The following ESR1 variants were observed in gnomAD, a reference collection of about 807,000 sequenced individuals.
The protein encoded by ESR1 is estrogen receptor.
Under a neutral mutation model 52.7 loss-of-function variants are expected in ESR1, and 12 were observed. The observed-to-expected ratio is 0.23, with a 90% CI of 0.15 to 0.37. ESR1 has a LOEUF of 0.37. ESR1 is among the 10% of genes least tolerant of loss of function. The pLI, the probability that ESR1 is intolerant of heterozygous loss-of-function variation, is 1.00. For synonymous variants in ESR1, 305 were observed against 316.8 expected (o/e 0.96, Z 0.39); for missense variants, 584 against 779.7 (o/e 0.75, Z 2.99).
intron 4 of ESR1, among the ~76,000 whole-genome samples, chr6:151,978,545 A>G (rs1332851922): frequency 1.3e-5 from 2 of 152,170 alleles, no homozygotes; most frequent in Non-Finnish European, 2.9e-5. Context: ...AAAAGTAAAA[A>G]GAATTTCACA....
intron 3 of ESR1, among the ~76,000 whole-genome samples, chr6:151,925,124 T>TTTTTTGTTTGTTTGTTTG (rs2032462796): frequency 6.6e-6 from 1 of 150,586 alleles, no homozygotes; most frequent in African/African-American, 2.4e-5. Flanking sequence ...CAGCATCTGG[T>TTTTTTGTTTGTTTGTTTG]TTTTTTTGTT....
chr6:151,848,767 C>A (rs2128245542), intron 2 of ESR1, among the ~76,000 whole-genome samples: 1 of 152,204 alleles, frequency 6.6e-6, no homozygotes, highest in Middle Eastern at 3.4e-3. Context: ...AGTTTCCATG[C>A]AACAGCAGGA....
At chr6:151,977,144 G>A (rs2039513045) in intron 4 of ESR1, among the ~76,000 whole-genome samples, 2 of 152,114 alleles carry the variant, frequency 1.3e-5, no homozygotes, top group African/African-American at 2.4e-5. Flanking sequence ...GCAGAATCCT[G>A]GGAGGTAAGC....
chr6:151,908,255 T>A (rs1320853125), intron 3 of ESR1, among the ~76,000 whole-genome samples: 5 of 152,226 alleles, frequency 3.3e-5, no homozygotes, highest in African/African-American at 1.2e-4. Flanking sequence ...TTTTTAAATG[T>A]TTATTTCTGT....
At chr6:151,886,613 A>G (rs1258013841) in intron 3 of ESR1, among the ~76,000 whole-genome samples, 1 of 152,206 alleles carries the variant, frequency 6.6e-6, no homozygotes, top group Non-Finnish European at 1.5e-5. Flanking sequence ...TGGAAAATAA[A>G]ATATTTTCCT....
chr6:151,850,711 G>A (rs1377023484), intron 2 of ESR1, among the ~76,000 whole-genome samples: 3 of 151,872 alleles, frequency 2.0e-5, no homozygotes, highest in Non-Finnish European at 4.4e-5. Context: ...CACTCCCTCC[G>A]GCATCCGTAC....
At chr6:151,820,035 C>T (rs1562440538) in intron 1 of ESR1, among the ~76,000 whole-genome samples, 1 of 152,124 alleles carries the variant, frequency 6.6e-6, no homozygotes, top group African/African-American at 2.4e-5. Flanking sequence ...AATGAAAAAA[C>T]AGTAGAATAA....
At chr6:152,071,832 A>G (rs2048374420) in intron 6 of ESR1, among the ~76,000 whole-genome samples, 1 of 152,132 alleles carries the variant, frequency 6.6e-6, no homozygotes, top group African/African-American at 2.4e-5. Context: ...TTTTTTTCAT[A>G]CATCTTTTGC....
intron 2 of ESR1, among the ~76,000 whole-genome samples, chr6:151,712,517 T>G (rs1173646318): frequency 6.6e-6 from 1 of 152,188 alleles, no homozygotes; most frequent in African/African-American, 2.4e-5. Context: ...CGTTTTTCCT[T>G]GAGCAGTGGT....
At chr6:151,956,090 T>G (rs946839677) in intron 4 of ESR1, among the ~76,000 whole-genome samples, 3 of 152,226 alleles carry the variant, frequency 2.0e-5, no homozygotes, top group Non-Finnish European at 4.4e-5. Context: ...TATTCCATGG[T>G]GTATATGTAC....
chr6:151,680,562 C>T (rs1778420530), intron 1 of ESR1, among the ~76,000 whole-genome samples: 1 of 152,094 alleles, frequency 6.6e-6, no homozygotes, highest in African/African-American at 2.4e-5. Context: ...TCTTTTGTTT[C>T]TTTTATGAGA....
intron 2 of ESR1, among the ~76,000 whole-genome samples, chr6:151,740,569 T>A (rs1184427922): frequency 6.6e-6 from 1 of 152,090 alleles, no homozygotes. Context: ...CTTGAGCTTT[T>A]CTTTTGTTCT....
chr6:151,730,123 A>G (rs983077257), intron 2 of ESR1, among the ~76,000 whole-genome samples: 3 of 151,982 alleles, frequency 2.0e-5, no homozygotes, highest in East Asian at 3.9e-4. Flanking sequence ...ATCAATCCCT[A>G]GATTTCTGAG....
intron 5 of ESR1, among the ~76,000 whole-genome samples, chr6:152,017,798 A>G (rs2043279732): frequency 6.6e-6 from 1 of 152,058 alleles, no homozygotes; most frequent in Non-Finnish European, 1.5e-5. Context: ...AAACAATGTA[A>G]ATTGCCTGTT....
At chr6:151,858,731 C>G (rs1380897923) in intron 2 of ESR1, among the ~76,000 whole-genome samples, 1 of 152,034 alleles carries the variant, frequency 6.6e-6, no homozygotes, top group Non-Finnish European at 1.5e-5. Flanking sequence ...TTTAGGACTC[C>G]TCTTTTGCTT....
At chr6:151,932,898 G>A (rs2033860026) in intron 3 of ESR1, among the ~76,000 whole-genome samples, 1 of 148,568 alleles carries the variant, frequency 6.7e-6, no homozygotes, top group East Asian at 2.0e-4. Context: ...GATGCCTCCA[G>A]CTTTGTTCTT....
intron 4 of ESR1, among the ~76,000 whole-genome samples, chr6:151,959,772 A>C (rs2037439005): frequency 6.6e-6 from 1 of 152,166 alleles, no homozygotes; most frequent in South Asian, 2.1e-4. Flanking sequence ...TGAGCTTTGG[A>C]AGACTACAAG....
At position 152,080,025 on chromosome 6, in the gene ESR1, C is replaced by G. The variant is rs543979391; in HGVS notation, c.1370-14360C>G. Among the ~76,000 whole-genome samples the G allele has an allele frequency of 5.9e-5, 9 of 152,258 alleles. No individual in the cohort carries two copies. The South Asian group carries it at 8.3e-4, about 14-fold the overall frequency. On this transcript the variant is annotated intron_variant, in intron 6 of 7. Transcript: ENST00000206249. ...AACAAATATATGTTTCATTGGTGTA[C>G]TGGGAAGTGATGGGGAGAATGGAAC...
chr6:152,108,650 T>C (rs1238653874), intron 6 of ESR1, among the ~76,000 whole-genome samples: 1 of 152,158 alleles, frequency 6.6e-6, no homozygotes, highest in Non-Finnish European at 1.5e-5. Context: ...CAGCAAGGTT[T>C]TGAGAGAATA....
Sources: allele counts gnomAD v4.1 joint callset (sites outside exome capture counted in the v4.1 genomes callset), GRCh38; gene constraint gnomAD v4.1.1; transcripts MANE v1.5; gene names NCBI Gene and HGNC (gene_info 2026-07-23, HGNC 2026-07-21).